The following SEMA3A variants were observed in gnomAD, a reference collection of about 807,000 sequenced individuals.
SEMA3A encodes the protein semaphorin 3A, also known as semaphorin-3A.
Under a neutral mutation model 97.9 loss-of-function variants are expected in SEMA3A, and 29 were observed. That is an observed-to-expected ratio of 0.30 (90% CI 0.22 to 0.40). The LOEUF (loss-of-function observed/expected upper bound fraction) is 0.40, where lower values mean the gene tolerates loss of function less well. Among genes scored for constraint, SEMA3A ranks in the 10% least tolerant of loss-of-function variants. SEMA3A has a pLI of 1.00. For synonymous variants in SEMA3A, 321 were observed against 323.7 expected, an observed-to-expected ratio of 0.99 and a Z score of 0.09; for missense variants, 763 against 951.3, an observed-to-expected ratio of 0.80 and a Z score of 2.60.
chr7:84,104,994 A>G (rs1795065840), intron 4 of SEMA3A, among the ~76,000 whole-genome samples: 2 of 152,294 alleles, frequency 1.3e-5, no homozygotes, highest in Admixed American at 6.5e-5. Context: ...GCTCAGGTCC[A>G]TAGTGCAAAT....
chr7:84,181,531 C>G (rs1205986262), intron 1 of SEMA3A, among the ~76,000 whole-genome samples: 1 of 151,912 alleles, frequency 6.6e-6, no homozygotes. Flanking sequence ...TACATTTTAA[C>G]AATTACTTAA....
At chr7:84,248,735 T>TCCTCCCTC (rs986606290) in intron 3 of SEMA3A, among the ~76,000 whole-genome samples, 1 of 151,740 alleles carries the variant, frequency 6.6e-6, no homozygotes, top group South Asian at 2.1e-4. Flanking sequence ...CTCTCTCTGA[T>TCCTCCCTC]CCTCCCTCCC....
chr7:84,052,594 TTCTC>T (rs1243619088), intron 5 of SEMA3A, among the ~76,000 whole-genome samples: 2 of 152,234 alleles, frequency 1.3e-5, no homozygotes, highest in African/African-American at 2.4e-5. Context: ...TATTTGATTC[TTCTC>T]TCTTTTTTTC....
intron 2 of SEMA3A, among the ~76,000 whole-genome samples, chr7:84,357,845 G>T (rs1239789209): frequency 6.6e-6 from 1 of 151,856 alleles, no homozygotes; most frequent in Non-Finnish European, 1.5e-5. Flanking sequence ...GTATGAGATG[G>T]TATCTCATTG....
chr7:84,224,956 C>A (rs1484465941), intron 3 of SEMA3A, among the ~76,000 whole-genome samples: 4 of 151,872 alleles, frequency 2.6e-5, no homozygotes, highest in African/African-American at 9.7e-5. Flanking sequence ...GCTTTATAGC[C>A]CCCCCTAGTA....
intron 1 of SEMA3A, among the ~76,000 whole-genome samples, chr7:84,437,008 T>G (rs1379063398): frequency 6.6e-6 from 1 of 152,122 alleles, no homozygotes; most frequent in Non-Finnish European, 1.5e-5. Flanking sequence ...TTCAATTCCA[T>G]GACAGGAACA....
intron 3 of SEMA3A, among the ~76,000 whole-genome samples, chr7:84,209,676 T>C (rs7800995): frequency 0.66 from 99,957 of 152,066 alleles, 33,166 homozygotes; most frequent in East Asian, 0.76. Flanking sequence ...TCATATTTCT[T>C]CATGTAAAAC....
At chr7:84,197,735 T>C (rs1286377295), upstream of SEMA3A, among the ~76,000 whole-genome samples, 20 of 131,680 alleles carry the variant, frequency 1.5e-4, 1 homozygote, top group Non-Finnish European at 2.7e-4. Flanking sequence ...TCACTCTTTT[T>C]TTTTTTTTTT....
At chr7:84,229,902 GCTTTGTATCAATCT>G (rs1314196482) in intron 3 of SEMA3A, among the ~76,000 whole-genome samples, 1 of 151,710 alleles carries the variant, frequency 6.6e-6, no homozygotes, top group African/African-American at 2.4e-5. Context: ...TCCCCCTTTT[GCTTTGTATCAATCT>G]CTACTTCCCT....
chr7:84,198,469 T>C (rs1482882814), upstream of SEMA3A, among the ~76,000 whole-genome samples: 1 of 152,206 alleles, frequency 6.6e-6, no homozygotes, highest in East Asian at 1.9e-4. Flanking sequence ...CCCAAAGTGC[T>C]GGGATTACAG....
intron 3 of SEMA3A, among the ~76,000 whole-genome samples, chr7:84,207,943 G>A (rs145177241): frequency 2.0e-5 from 3 of 152,140 alleles, no homozygotes; most frequent in East Asian, 3.9e-4. Context: ...AAGATTATAA[G>A]GCATTTTAGT....
chr7:83,968,804 CTTTTTTTT>C (rs34837012), intron 15 of SEMA3A, among the ~76,000 whole-genome samples: 3 of 86,984 alleles, frequency 3.4e-5, no homozygotes, highest in African/African-American at 1.5e-4. Flanking sequence ...CTTTTCTTTC[CTTTTTTTT>C]TTTTTTTTTT....
chr7:84,338,227 T>G lies in SEMA3A; in HGVS notation c.-168-30935A>C, dbSNP rs1480037698. On this transcript the variant is annotated intron_variant, in intron 2 of 3. Coordinates refer to the SEMA3A transcript ENST00000424555. ...TCCATATATCCCAATAATGGGTCAG[T>G]ACATATGAAATGAATACAAATTATG... Among the ~76,000 whole-genome samples the G allele has an allele frequency of 4.0e-5, 6 of 151,830 alleles. No homozygotes were observed. In the East Asian group the frequency reaches 1.2e-3, roughly 29 times the overall value.
At chr7:84,236,476 G>T (rs1799238450) in intron 3 of SEMA3A, among the ~76,000 whole-genome samples, 1 of 152,014 alleles carries the variant, frequency 6.6e-6, no homozygotes, top group Non-Finnish European at 1.5e-5. Flanking sequence ...CTTTGCAAGA[G>T]AAAATGAACA....
rs780926959 is a variant in SEMA3A at position 84,313,352 on chromosome 7, G to GTA, written c.-168-6061_-168-6060insTA. 6.0e-4 allele frequency among the ~76,000 whole-genome samples: 50 copies of GTA among 83,402 alleles called. 1 individual carries two copies. The highest frequency in any genetic ancestry group is 2.6e-3 in the African/African-American group (49 of 18,544). 54.7% of individuals were successfully genotyped at this position (83,402 alleles called of 152,430 possible). A position where few individuals can be genotyped will look rare whatever the true frequency, so the allele number is the denominator to read the frequency against. ...TACATATATATATATGTATATGTGT[G>GTA]TGTGTATATATATATATATATATAT... On this transcript the variant is annotated intron_variant, in intron 2 of 3. Transcript: ENST00000424555.
intron 12 of SEMA3A, among the ~76,000 whole-genome samples, chr7:83,991,106 T>A (rs1239828045): frequency 6.7e-6 from 1 of 150,164 alleles, no homozygotes; most frequent in Non-Finnish European, 1.5e-5. Context: ...TCACTCATGA[T>A]TTGGCTCTCT....
intron 2 of SEMA3A, among the ~76,000 whole-genome samples, chr7:84,356,154 T>C (rs1275366127): frequency 6.6e-6 from 1 of 151,942 alleles, no homozygotes; most frequent in African/African-American, 2.4e-5. Flanking sequence ...AAAATTATTT[T>C]AGTGTTTTAT....
intron 3 of SEMA3A, among the ~76,000 whole-genome samples, chr7:84,267,759 C>A (rs571641394): frequency 6.6e-6 from 1 of 152,180 alleles, no homozygotes; most frequent in South Asian, 2.1e-4. Flanking sequence ...TTCTTTAACA[C>A]ACATATGCAA....
chr7:84,420,697 G>A (rs566303336), intron 1 of SEMA3A, among the ~76,000 whole-genome samples: 1 of 151,964 alleles, frequency 6.6e-6, no homozygotes, highest in African/African-American at 2.4e-5. Flanking sequence ...ATCATTTAAA[G>A]TCTATGATTT....
Sources: allele counts gnomAD v4.1 joint callset (sites outside exome capture counted in the v4.1 genomes callset), GRCh38; gene constraint gnomAD v4.1.1; transcripts MANE v1.5; gene names NCBI Gene and HGNC (gene_info 2026-07-23, HGNC 2026-07-21).